The following LCLAT1 variants were observed in gnomAD, a reference collection of about 807,000 sequenced individuals.
LCLAT1 encodes lysocardiolipin acyltransferase 1.
LCLAT1 carries 11 observed loss-of-function variants against 30.7 expected under a neutral mutation model. The observed-to-expected ratio is 0.36, with a 90% confidence interval of 0.23 to 0.59. LCLAT1 has a LOEUF of 0.59. Among genes scored for constraint, LCLAT1 ranks in the 20% least tolerant of loss-of-function variants. The probability of loss-of-function intolerance (pLI) is 0.77; values close to 1 mark genes in which losing one functional copy is unlikely to be tolerated. For synonymous variants in LCLAT1, 155 were observed against 151.3 expected (o/e 1.02, Z -0.18); for missense variants, 402 against 458.6 (o/e 0.88, Z 1.13).
intron 3 of LCLAT1, among the ~76,000 whole-genome samples, chr2:30,536,569 T>C (rs942106827): frequency 2.6e-5 from 4 of 152,250 alleles, no homozygotes; most frequent in African/African-American, 9.6e-5. Context: ...ACATAGTCTT[T>C]CCAGACAAGT....
intron 1 of LCLAT1, among the ~76,000 whole-genome samples, chr2:30,506,613 T>C (rs142118823): frequency 6.6e-6 from 1 of 152,154 alleles, no homozygotes; most frequent in African/African-American, 2.4e-5. Context: ...ATGTTAAATT[T>C]AGCTATGAGC....
intron 3 of LCLAT1, among the ~76,000 whole-genome samples, chr2:30,534,368 C>T (rs1269756048): frequency 4.6e-5 from 7 of 152,030 alleles, no homozygotes; most frequent in Non-Finnish European, 1.0e-4. Context: ...AGCTCCACCT[C>T]GCAGGTTCAC....
In LCLAT1 at chr2:30,525,996, CTG is replaced by C. The variant is rs1685701220; in HGVS notation, c.165+244_165+245del. 8.5e-5 allele frequency among the ~76,000 whole-genome samples: 13 copies of C among 152,290 alleles called. No individual in the cohort carries two copies. In the South Asian group the frequency reaches 2.7e-3, roughly 32 times the overall value. ...TTAGGGAATGACAGGGAAAAAAAATCTGTGCATCCTCAGTACAGGCTTAGCCA... is the reference window on the plus strand; with the variant it reads ...TTAGGGAATGACAGGGAAAAAAAATCTGCATCCTCAGTACAGGCTTAGCCA... On this transcript the variant is annotated intron_variant, in intron 2 of 5. Coordinates refer to ENST00000379509, the MANE Select transcript of LCLAT1 (RefSeq NM_001002257.3).
chr2:30,494,414 C>T (rs756881888), intron 1 of LCLAT1, among the ~76,000 whole-genome samples: 1 of 152,118 alleles, frequency 6.6e-6, no homozygotes, highest in Admixed American at 6.5e-5. Context: ...GCTGGAAATC[C>T]CTGTGTTGTC....
At position 30,499,306 on chromosome 2, in the gene LCLAT1, G is replaced by A. The variant is rs1448758818; in HGVS notation, c.-4-26281G>A. Among the ~76,000 whole-genome samples the A allele has an allele frequency of 2.6e-5, 4 of 152,060 alleles. No homozygotes were observed. In the East Asian group the frequency reaches 5.8e-4, roughly 22 times the overall value. On this transcript the variant is annotated intron_variant, in intron 1 of 5. Coordinates refer to ENST00000379509, the MANE Select transcript of LCLAT1 (RefSeq NM_001002257.3). ...AGCGATTCTCCTGCCTCAGCCTCCCGAGTAGCTGGGATTACAGGTGCCCGC... is the reference window on the plus strand; with the variant it reads ...AGCGATTCTCCTGCCTCAGCCTCCCAAGTAGCTGGGATTACAGGTGCCCGC...
chr2:30,526,005 C>T (rs1046139250), intron 2 of LCLAT1, among the ~76,000 whole-genome samples: 1 of 152,172 alleles, frequency 6.6e-6, no homozygotes, highest in African/African-American at 2.4e-5. Flanking sequence ...TCTGTGCATC[C>T]TCAGTACAGG....
chr2:30,625,421 A>G (rs974130980), intron 5 of LCLAT1, among the ~76,000 whole-genome samples: 2 of 152,218 alleles, frequency 1.3e-5, no homozygotes, highest in Non-Finnish European at 2.9e-5. Context: ...AGGGCCATGG[A>G]AAAGACAAAA....
At chr2:30,465,002 G>T (rs1005692881) in intron 1 of LCLAT1, among the ~76,000 whole-genome samples, 2 of 152,136 alleles carry the variant, frequency 1.3e-5, no homozygotes, top group Admixed American at 1.3e-4. Context: ...GAGCCACCAT[G>T]CCTGGCCAGG....
At chr2:30,592,885 T>A (rs183076163) in intron 5 of LCLAT1, among the ~76,000 whole-genome samples, 1 of 152,328 alleles carries the variant, frequency 6.6e-6, no homozygotes, top group Admixed American at 6.5e-5. Flanking sequence ...TCAGAATAAT[T>A]GGACTGTCAC....
intron 5 of LCLAT1, among the ~76,000 whole-genome samples, chr2:30,598,249 C>A (rs956072360): frequency 1.3e-5 from 2 of 151,962 alleles, no homozygotes; most frequent in African/African-American, 4.8e-5. Flanking sequence ...TGGTAGAATT[C>A]GGCTGTAAAT....
At chr2:30,465,083 C>G (rs985375441) in intron 1 of LCLAT1, among the ~76,000 whole-genome samples, 1 of 152,000 alleles carries the variant, frequency 6.6e-6, no homozygotes, top group African/African-American at 2.4e-5. Flanking sequence ...AAGTCCTAAT[C>G]CTGGAACCTG....
chr2:30,630,604 T>A (rs960816920), intron 5 of LCLAT1, among the ~76,000 whole-genome samples: 2 of 152,238 alleles, frequency 1.3e-5, no homozygotes, highest in Non-Finnish European at 2.9e-5. Context: ...TATAAAATTT[T>A]ATGTCTAAAT....
chr2:30,525,652 G>A lies in LCLAT1; in HGVS notation c.62G>A (p.Ser21Asn). The change falls in exon 2 of 6, where the codon AGC becomes AAC. Residue 21 changes from serine to asparagine, a missense_variant. Transcript: ENST00000379509. ...LTLFWGSFFG[S>N]IFMLSPFLPL... Reference sequence around the variant, plus strand: ...CTGTTTTGGGGAAGCTTTTTTGGAAGCATTTTCATGCTGAGTCCCTTTTTA... The same window carrying A: ...CTGTTTTGGGGAAGCTTTTTTGGAAACATTTTCATGCTGAGTCCCTTTTTA... 1 of 1,613,968 alleles carries A rather than the reference G, an allele frequency of 6.2e-7. No individual in the cohort carries two copies. The highest frequency in any genetic ancestry group is 1.3e-5 in the African/African-American group (1 of 75,036).
intron 5 of LCLAT1, among the ~76,000 whole-genome samples, chr2:30,577,891 T>C (rs557699779): frequency 1.2e-4 from 19 of 152,236 alleles, no homozygotes; most frequent in African/African-American, 4.6e-4. Context: ...CACTAAGAAA[T>C]ATCTGAGTAT....
At chr2:30,586,827 A>C (rs1394516746) in intron 5 of LCLAT1, among the ~76,000 whole-genome samples, 2 of 152,154 alleles carry the variant, frequency 1.3e-5, no homozygotes, top group South Asian at 4.1e-4. Flanking sequence ...TTTAGTCTTT[A>C]AAAAGGAAAA....
chr2:30,497,646 T>C (rs1221680206), intron 1 of LCLAT1, among the ~76,000 whole-genome samples: 1 of 152,244 alleles, frequency 6.6e-6, no homozygotes, highest in Non-Finnish European at 1.5e-5. Context: ...GTTGATTCTC[T>C]GAATAGTTAC....
At chr2:30,461,846 C>G (rs371543344) in intron 1 of LCLAT1, among the ~76,000 whole-genome samples, 23 of 147,076 alleles carry the variant, frequency 1.6e-4, no homozygotes, top group Non-Finnish European at 3.1e-4. Context: ...TCTCGGCTCA[C>G]TGCAAGCTCC....
chr2:30,480,664 G>T (rs1028847357), intron 1 of LCLAT1, among the ~76,000 whole-genome samples: 2 of 152,124 alleles, frequency 1.3e-5, no homozygotes, highest in African/African-American at 4.8e-5. Flanking sequence ...TAGGCGAGGG[G>T]ATCAATTGAG....
chr2:30,457,414 CTCTGTAG>C (rs1484654934), intron 1 of LCLAT1, among the ~76,000 whole-genome samples: 1 of 152,194 alleles, frequency 6.6e-6, no homozygotes, highest in Non-Finnish European at 1.5e-5. Flanking sequence ...TTGGTTACTA[CTCTGTAG>C]TCTGTAGCTT....
Sources: allele counts gnomAD v4.1 joint callset (sites outside exome capture counted in the v4.1 genomes callset), GRCh38; gene constraint gnomAD v4.1.1; transcripts MANE v1.5; gene names NCBI Gene and HGNC (gene_info 2026-07-23, HGNC 2026-07-21).